Variants in KIF16B observed in about 807,000 individuals in gnomAD.
KIF16B encodes the protein kinesin-like protein KIF16B.
In KIF16B, 98 loss-of-function variants were observed where a neutral mutation model predicts 156.3. The ratio of observed to expected loss-of-function variants is 0.63; its 90% confidence interval spans 0.53 to 0.74. The LOEUF is 0.74. Ranked by LOEUF, KIF16B falls within the 30% of genes least tolerant of loss-of-function variation. KIF16B has a pLI of 0.00. For missense variants in KIF16B, 1,421 were observed against 1,606.5 expected (o/e 0.88, Z 1.97); for synonymous variants, 564 against 583.7 (o/e 0.97, Z 0.49).
chr20:16,328,757 C>G (rs2063898788), intron 24 of KIF16B, among the ~76,000 whole-genome samples: 2 of 152,158 alleles, frequency 1.3e-5, no homozygotes. Context: ...TAAGCAGATT[C>G]AGTACCTGCT....
intron 17 of KIF16B, among the ~76,000 whole-genome samples, chr20:16,398,476 C>T (rs565672419): frequency 6.6e-6 from 1 of 152,234 alleles, no homozygotes; most frequent in South Asian, 2.1e-4. Flanking sequence ...GACAGGACTC[C>T]AGGGACAGGC....
chr20:16,553,528 G>A (rs1228951954), intron 1 of KIF16B, among the ~76,000 whole-genome samples: 2 of 152,164 alleles, frequency 1.3e-5, no homozygotes, highest in Non-Finnish European at 1.5e-5. Flanking sequence ...AGTATCTACT[G>A]TTCACCAGCT....
intron 3 of KIF16B, among the ~76,000 whole-genome samples, chr20:16,517,329 G>C (rs1359696066): frequency 6.6e-6 from 1 of 152,206 alleles, no homozygotes; most frequent in Non-Finnish European, 1.5e-5. Context: ...TTAGCTTTAA[G>C]AGCTGACAGT....
At chr20:16,280,798 T>G (rs1161518004) in intron 25 of KIF16B, among the ~76,000 whole-genome samples, 1 of 151,842 alleles carries the variant, frequency 6.6e-6, no homozygotes, top group Non-Finnish European at 1.5e-5. Flanking sequence ...ACATGCAGCC[T>G]CCCAGAATTT....
intron 24 of KIF16B, among the ~76,000 whole-genome samples, chr20:16,320,975 T>C (rs2063764223): frequency 6.6e-6 from 1 of 152,186 alleles, no homozygotes; most frequent in Non-Finnish European, 1.5e-5. Flanking sequence ...ATTTCTTCAG[T>C]TTTCATTTTC....
chr20:16,371,611 AAAAG>A, intron 21 of KIF16B, 50 bp downstream of exon 21: 1 of 1,143,366 alleles, frequency 8.7e-7, no homozygotes, highest in South Asian at 1.4e-5. Flanking sequence ...AAAAAAGGAA[AAAAG>A]AAAGATGAAC....
chr20:16,386,446 G>T (rs2065232032), intron 17 of KIF16B, among the ~76,000 whole-genome samples: 1 of 152,018 alleles, frequency 6.6e-6, no homozygotes, highest in Non-Finnish European at 1.5e-5. Context: ...GCTGGGCTGG[G>T]GCTGGGGCTG....
intron 23 of KIF16B, among the ~76,000 whole-genome samples, chr20:16,353,628 T>C (rs1012306641): frequency 6.6e-6 from 1 of 152,060 alleles, no homozygotes; most frequent in Non-Finnish European, 1.5e-5. Flanking sequence ...AGTGAGGCTG[T>C]GTGACCTGCT....
At chr20:16,353,582 G>A (rs530280274) in intron 23 of KIF16B, among the ~76,000 whole-genome samples, 12 of 152,276 alleles carry the variant, frequency 7.9e-5, no homozygotes, top group Middle Eastern at 3.4e-3. Flanking sequence ...CCCAATGAGG[G>A]GGGGGTTTAT....
intron 9 of KIF16B, among the ~76,000 whole-genome samples, chr20:16,504,890 C>A (rs2068728902): frequency 6.6e-6 from 1 of 151,786 alleles, no homozygotes; most frequent in African/African-American, 2.4e-5. Context: ...AGTAGGAATT[C>A]AAATACTTTT....
At chr20:16,391,996 G>A (rs1308657814) in intron 17 of KIF16B, among the ~76,000 whole-genome samples, 2 of 152,202 alleles carry the variant, frequency 1.3e-5, no homozygotes, top group African/African-American at 2.4e-5. Flanking sequence ...CCTGAGTGAG[G>A]AGATGGTGTC....
At chr20:16,310,926 C>G (rs2063610650) in intron 25 of KIF16B, among the ~76,000 whole-genome samples, 1 of 152,242 alleles carries the variant, frequency 6.6e-6, no homozygotes, top group South Asian at 2.1e-4. Context: ...AAATGCTCCT[C>G]ATAGACAACA....
intron 5 of KIF16B, 92 bp from the exon 6 acceptor site, chr20:16,511,619 A>C: frequency 1.4e-6 from 1 of 731,226 alleles, no homozygotes. Flanking sequence ...GCTGACATAA[A>C]TGGCCACAGC....
At position 16,428,958 on chromosome 20, in the gene KIF16B, T is replaced by C. The variant is rs996413690; in HGVS notation, c.1469A>G (p.Asp490Gly). Residue 490 changes from aspartate (D) to glycine (G), a missense_variant, in exon 14 of 26, where the codon GAT (aspartate) becomes GGT (glycine). Physicochemically the swap from Asp to Gly is moderately conservative, Grantham distance 94. Coordinates refer to ENST00000354981, the MANE Select transcript of KIF16B (RefSeq NM_024704.5). ...VGRDDASTEQ[D>G]IVLHGLDLES... ...TCACTGATAAATATGCTCACCAATATCTTGCTCCGTGGAAGCATCGTCTCT... is the reference window on the plus strand; with the variant it reads ...TCACTGATAAATATGCTCACCAATACCTTGCTCCGTGGAAGCATCGTCTCT... 1.2e-6 allele frequency: 2 copies of C among 1,613,172 alleles called. No homozygotes were observed. The highest frequency in any genetic ancestry group is 1.1e-5 in the South Asian group (1 of 91,058).
At chr20:16,478,804 A>G (rs2067892652) in intron 12 of KIF16B, among the ~76,000 whole-genome samples, 1 of 152,190 alleles carries the variant, frequency 6.6e-6, no homozygotes, top group South Asian at 2.1e-4. Context: ...TTATAAATGA[A>G]GCATTATCAT....
intron 1 of KIF16B, among the ~76,000 whole-genome samples, chr20:16,550,684 C>A (rs1393760148): frequency 6.6e-6 from 1 of 151,814 alleles, no homozygotes; most frequent in Non-Finnish European, 1.5e-5. Flanking sequence ...CAGGTACATG[C>A]CACCATGTCC....
intron 25 of KIF16B, among the ~76,000 whole-genome samples, chr20:16,308,399 A>G (rs2063570729): frequency 6.6e-6 from 1 of 152,234 alleles, no homozygotes; most frequent in Admixed American, 6.5e-5. Context: ...ATCTTAGTTA[A>G]CACTGTAGTG....
intron 1 of KIF16B, among the ~76,000 whole-genome samples, chr20:16,535,418 G>A (rs186740472): frequency 1.8e-4 from 27 of 152,180 alleles, no homozygotes; most frequent in Admixed American, 1.4e-3. Context: ...CTAAATATAA[G>A]ATCATGTCAT....
chr20:16,450,909 GT>G (rs2067062770), intron 12 of KIF16B, among the ~76,000 whole-genome samples: 1 of 152,218 alleles, frequency 6.6e-6, no homozygotes, highest in Non-Finnish European at 1.5e-5. Context: ...GCAGGTTATA[GT>G]TTACTATTTT....
Sources: allele counts gnomAD v4.1 joint callset (sites outside exome capture counted in the v4.1 genomes callset), GRCh38; gene constraint gnomAD v4.1.1; transcripts MANE v1.5; gene names NCBI Gene and HGNC (gene_info 2026-07-23, HGNC 2026-07-21).